CDH13: variants seen among roughly 807,000 people sequenced by gnomAD.
The protein encoded by CDH13 is cadherin-13.
A neutral mutation model predicts 63.8 loss-of-function variants in CDH13; 24 were observed. The observed-to-expected ratio is 0.38, with a 90% confidence interval of 0.27 to 0.53. CDH13 has a LOEUF of 0.53. Ranked by LOEUF, CDH13 falls within the 20% of genes least tolerant of loss-of-function variation. CDH13 has a pLI of 0.85. For synonymous variants in CDH13, 503 were observed against 355.3 expected, an observed-to-expected ratio of 1.42 and a Z score of -4.67; for missense variants, 1,049 against 903.1, an observed-to-expected ratio of 1.16 and a Z score of -2.07.
At chr16:82,991,508 C>G (rs754662572) in intron 2 of CDH13, among the ~76,000 whole-genome samples, 2 of 152,172 alleles carry the variant, frequency 1.3e-5, no homozygotes, top group Non-Finnish European at 2.9e-5. Flanking sequence ...CTTTTCATCT[C>G]TTTCCTGCCC....
intron 1 of CDH13, among the ~76,000 whole-genome samples, chr16:82,815,367 G>A (rs892512354): frequency 2.5e-4 from 38 of 152,224 alleles, no homozygotes; most frequent in Admixed American, 1.8e-3. Flanking sequence ...TGATGGAGAC[G>A]ATAATGGTAC....
chr16:83,467,394 A>G (rs1049850466), intron 6 of CDH13, among the ~76,000 whole-genome samples: 41 of 152,286 alleles, frequency 2.7e-4, no homozygotes, highest in Admixed American at 2.3e-3. Context: ...GATGTCACAC[A>G]TTCATCTTCC....
At chr16:83,472,918 C>G (rs918093407) in intron 6 of CDH13, among the ~76,000 whole-genome samples, 1 of 152,076 alleles carries the variant, frequency 6.6e-6, no homozygotes, top group Non-Finnish European at 1.5e-5. Context: ...GGCCTGATGG[C>G]TTGGAAGAGG....
intron 2 of CDH13, among the ~76,000 whole-genome samples, chr16:82,970,762 T>C (rs993793201): frequency 6.6e-6 from 1 of 152,146 alleles, no homozygotes; most frequent in Non-Finnish European, 1.5e-5. Flanking sequence ...CAGTGCTGTA[T>C]TTACCAAAGT....
chr16:83,487,773 T>C (rs1258743913), intron 7 of CDH13, among the ~76,000 whole-genome samples: 3 of 152,220 alleles, frequency 2.0e-5, no homozygotes, highest in Non-Finnish European at 4.4e-5. Context: ...TCGGGGGCTC[T>C]GTGCATTTCC....
intron 8 of CDH13, among the ~76,000 whole-genome samples, chr16:83,636,880 G>C (rs1373657678): frequency 6.6e-6 from 1 of 152,180 alleles, no homozygotes; most frequent in Non-Finnish European, 1.5e-5. Context: ...CCCACCAGCA[G>C]CATATATGTG....
chr16:82,808,759 CA>C (rs1459410567), intron 1 of CDH13, among the ~76,000 whole-genome samples: 1 of 152,114 alleles, frequency 6.6e-6, no homozygotes, highest in African/African-American at 2.4e-5. Flanking sequence ...AATTGAGGCA[CA>C]AAGGGGTTAA....
chr16:83,226,816 C>T (rs1340203991), intron 5 of CDH13, among the ~76,000 whole-genome samples: 1 of 152,176 alleles, frequency 6.6e-6, no homozygotes, highest in Non-Finnish European at 1.5e-5. Flanking sequence ...TTGTGAGTGA[C>T]ACTCTGGGAC....
At chr16:83,237,984 A>G (rs1193611589) in intron 5 of CDH13, among the ~76,000 whole-genome samples, 1 of 152,178 alleles carries the variant, frequency 6.6e-6, no homozygotes, top group Non-Finnish European at 1.5e-5. Context: ...AGGGCTAGGA[A>G]TTTAATCCCA....
At chr16:83,467,411 A>C (rs2073343820) in intron 6 of CDH13, among the ~76,000 whole-genome samples, 1 of 152,072 alleles carries the variant, frequency 6.6e-6, no homozygotes, top group South Asian at 2.1e-4. Context: ...TTCCCCAGCC[A>C]CTTTGCTGCG....
rs138154463 is a variant in CDH13 at position 83,054,121 on chromosome 16, G to A, written c.366+21903G>A. The stretch of plus-strand genomic sequence containing the variant: ...ATAGGCTATACCGTATTTCCTAGGT[G>A]TGTAGTAAGCTATACCATCTAGGTT... On this transcript the variant is annotated intron_variant, in intron 3 of 13. Transcript: ENST00000567109. Among the ~76,000 whole-genome samples the A allele has an allele frequency of 7.9e-5, 12 of 152,290 alleles. No homozygotes were observed. In the East Asian group the frequency reaches 2.3e-3, roughly 29 times the overall value.
At chr16:83,090,476 A>T (rs150322476) in intron 3 of CDH13, among the ~76,000 whole-genome samples, 2,085 of 151,030 alleles carry the variant, frequency 0.014, 24 homozygotes, top group Non-Finnish European at 0.023. Context: ...TGGGAGGCTG[A>T]GGCGGGAGAA....
chr16:83,014,490 T>G (rs1023374153), intron 2 of CDH13, among the ~76,000 whole-genome samples: 8 of 151,412 alleles, frequency 5.3e-5, no homozygotes, highest in African/African-American at 1.9e-4. Context: ...TCTCAGCACT[T>G]TGGGAGGCCA....
intron 6 of CDH13, among the ~76,000 whole-genome samples, chr16:83,432,529 C>T (rs901977027): frequency 1.3e-5 from 2 of 152,196 alleles, no homozygotes; most frequent in African/African-American, 2.4e-5. Flanking sequence ...CTCCTCTCCT[C>T]ACCACAGCTG....
intron 2 of CDH13, among the ~76,000 whole-genome samples, chr16:82,881,917 C>T (rs1265108962): frequency 6.6e-6 from 1 of 152,186 alleles, no homozygotes; most frequent in Non-Finnish European, 1.5e-5. Context: ...GCTTCTGTGG[C>T]AGTGCTTACT....
At chr16:82,813,843 A>T (rs539408985) in intron 1 of CDH13, among the ~76,000 whole-genome samples, 2 of 152,162 alleles carry the variant, frequency 1.3e-5, no homozygotes, top group South Asian at 4.1e-4. Flanking sequence ...TCTTGGTTTC[A>T]AGTATTAGCT....
chr16:83,362,477 G>C (rs2091180909), intron 6 of CDH13, among the ~76,000 whole-genome samples: 1 of 152,124 alleles, frequency 6.6e-6, no homozygotes, highest in African/African-American at 2.4e-5. Context: ...TGACATTTTT[G>C]CTCCTTCAGC....
At chr16:82,982,217 C>T (rs1451398628) in intron 2 of CDH13, among the ~76,000 whole-genome samples, 1 of 151,908 alleles carries the variant, frequency 6.6e-6, no homozygotes, top group Non-Finnish European at 1.5e-5. Context: ...TTCACAAGCT[C>T]TGTAAAATAA....
At chr16:83,187,659 C>T (rs982251898) in intron 4 of CDH13, among the ~76,000 whole-genome samples, 6 of 152,048 alleles carry the variant, frequency 3.9e-5, no homozygotes, top group African/African-American at 1.5e-4. Flanking sequence ...AGCAAAAATG[C>T]ATTGAGCTCC....
Sources: allele counts gnomAD v4.1 joint callset (sites outside exome capture counted in the v4.1 genomes callset), GRCh38; gene constraint gnomAD v4.1.1; transcripts MANE v1.5; gene names NCBI Gene and HGNC (gene_info 2026-07-23, HGNC 2026-07-21).